Variants in MON2 observed in about 807,000 individuals in gnomAD.
MON2 encodes the protein MON2 regulator of endosome-to-Golgi trafficking, also known as protein MON2 homolog.
Under a neutral mutation model 208.6 loss-of-function variants are expected in MON2, and 84 were observed. That is an observed-to-expected ratio of 0.40 (90% CI 0.34 to 0.48). The LOEUF (loss-of-function observed/expected upper bound fraction) is 0.48, where lower values mean the gene tolerates loss of function less well. Among genes scored for constraint, MON2 ranks in the 20% least tolerant of loss-of-function variants. The pLI, the probability that MON2 is intolerant of heterozygous loss-of-function variation, is 0.59. For missense variants in MON2, 1,611 were observed against 2,015.4 expected, an observed-to-expected ratio of 0.80 and a Z score of 3.84; for synonymous variants, 660 against 694.0, an observed-to-expected ratio of 0.95 and a Z score of 0.77.
intron 32 of MON2, among the ~76,000 whole-genome samples, chr12:62,583,980 A>AC (rs1380639172): frequency 6.6e-6 from 1 of 151,220 alleles, no homozygotes; most frequent in African/African-American, 2.4e-5. Flanking sequence ...AAAAACAAAA[A>AC]AAAAAAACAG....
chr12:62,529,336 G>C (rs962431596), intron 11 of MON2, among the ~76,000 whole-genome samples: 1 of 152,102 alleles, frequency 6.6e-6, no homozygotes, highest in East Asian at 1.9e-4. Flanking sequence ...TAGGGTTTTT[G>C]TGAGGAGTTA....
At chr12:62,550,523 G>T (rs552062897) in intron 23 of MON2, among the ~76,000 whole-genome samples, 6 of 152,002 alleles carry the variant, frequency 3.9e-5, no homozygotes, top group African/African-American at 1.4e-4. Flanking sequence ...CCTTGTCTCT[G>T]TAAAAAAAAA....
intron 19 of MON2, among the ~76,000 whole-genome samples, chr12:62,539,272 CTTT>C (rs869061317): frequency 6.9e-6 from 1 of 144,056 alleles, no homozygotes; most frequent in South Asian, 2.2e-4. Flanking sequence ...TCTGCCTAGT[CTTT>C]TTTTTTTTTT....
intron 7 of MON2, among the ~76,000 whole-genome samples, 156 bp downstream of exon 7, chr12:62,501,854 G>A (rs924727001): frequency 6.6e-6 from 1 of 152,198 alleles, no homozygotes; most frequent in African/African-American, 2.4e-5. Context: ...GGGAGGCTGA[G>A]GTGGGAGGAT....
intron 8 of MON2, among the ~76,000 whole-genome samples, chr12:62,520,121 T>C (rs1268321315): frequency 6.6e-6 from 1 of 152,218 alleles, no homozygotes; most frequent in African/African-American, 2.4e-5. Flanking sequence ...GCCGACACTT[T>C]CTTACAGGTC....
chr12:62,529,007 C>T (rs985375228), intron 11 of MON2, among the ~76,000 whole-genome samples: 2 of 152,134 alleles, frequency 1.3e-5, no homozygotes, highest in African/African-American at 4.8e-5. Flanking sequence ...TTTCTCCTCC[C>T]ACCCTCCCGC....
chr12:62,504,304 G>A (rs1236254502), intron 7 of MON2, among the ~76,000 whole-genome samples: 1 of 143,600 alleles, frequency 7.0e-6, no homozygotes, highest in Non-Finnish European at 1.5e-5. Flanking sequence ...GAGTGCAGTC[G>A]CATGATCTCG....
At chr12:62,542,960 T>C (rs1156467456) in intron 19 of MON2, 137 bp from the exon 20 acceptor site, 12 of 456,910 alleles carry the variant, frequency 2.6e-5, no homozygotes, top group Non-Finnish European at 1.9e-5. Context: ...ACTGAGGTTT[T>C]GTTATAAATA....
At position 62,537,618 on chromosome 12, in the gene MON2, T is replaced by C. The variant is rs754111995; in HGVS notation, c.2030T>C (p.Ile677Thr). 1.9e-6 allele frequency: 3 copies of C among 1,605,830 alleles called. No homozygotes were observed. The highest frequency in any genetic ancestry group is 2.5e-6 in the Non-Finnish European group (3 of 1,177,252). Residue 677 changes from isoleucine (I) to threonine (T), a missense_variant, in exon 16 of 35, where the codon ATC becomes ACC. Coordinates refer to ENST00000393630, the MANE Select transcript of MON2 (RefSeq NM_015026.3). ...QGTVMLTSKN[I>T]QCMRTLLNLA... is the part of the protein sequence containing the mutation. ...AAAATATAGCTGACTTCCAAAAATATCCAGTGTATGAGGACTTTACTTAAC... is the reference window on the plus strand; with the variant it reads ...AAAATATAGCTGACTTCCAAAAATACCCAGTGTATGAGGACTTTACTTAAC...
At position 62,535,493 on chromosome 12, in the gene MON2, T is replaced by G. The variant is rs775332731; in HGVS notation, c.1716-32T>G. On this transcript the variant is annotated intron_variant, in intron 13 of 34. Coordinates refer to ENST00000393630, the MANE Select transcript of MON2 (RefSeq NM_015026.3). The stretch of plus-strand genomic sequence containing the variant: ...CTTTACAATGTAATTAAAAATAAGT[T>G]AATCAGATTAAATAAAATACTTTCT... The G allele has an allele frequency of 2.7e-6, 4 of 1,471,564 alleles. No homozygotes were observed. The Admixed American group carries it at 9.0e-5, about 33-fold the overall frequency. The allele number at this position is 1,471,564 out of a possible 1,614,324, so 91.2% of individuals were successfully genotyped here.
rs571102120 is a variant in MON2 at position 62,558,811 on chromosome 12, C to A, written c.3410-1680C>A. Among the ~76,000 whole-genome samples, 3 of 151,572 alleles carry A rather than the reference C, an allele frequency of 2.0e-5. No individual in the cohort carries two copies. In the East Asian group the frequency reaches 5.8e-4, roughly 30 times the overall value. On this transcript the variant is annotated intron_variant, in intron 25 of 34. Coordinates refer to ENST00000393630, the MANE Select transcript of MON2 (RefSeq NM_015026.3). The stretch of plus-strand genomic sequence containing the variant: ...CTCCTAGGTTCAAGCGATTCTCTTG[C>A]CTCGGCCTCTGAGTAGCTGGGATTA...
At chr12:62,566,273 A>G (rs2074383820) in intron 28 of MON2, 49 bp from the exon 29 acceptor site, 2 of 1,581,038 alleles carry the variant, frequency 1.3e-6, no homozygotes, top group East Asian at 4.5e-5. Flanking sequence ...AATATGATTA[A>G]TTTAATCTCA....
At chr12:62,592,137 T>C (rs1458200096) in intron 34 of MON2, among the ~76,000 whole-genome samples, 1 of 152,206 alleles carries the variant, frequency 6.6e-6, no homozygotes, top group African/African-American at 2.4e-5. Context: ...TTAAAAGGAA[T>C]ATCAAGGATA....
chr12:62,551,420 G>A (rs2073737587), intron 23 of MON2, among the ~76,000 whole-genome samples: 1 of 152,118 alleles, frequency 6.6e-6, no homozygotes. Flanking sequence ...CTCACATTAA[G>A]TTTGCCATCT....
At position 62,598,917 on chromosome 12, in the gene MON2, G is replaced by A. The variant is rs563526329; in HGVS notation, c.*6168G>A. 2.0e-5 allele frequency: 3 copies of A among 152,220 alleles called. No homozygotes were observed. Among genetic ancestry groups the A allele is most frequent in the Admixed American group, 6.5e-5 (1 of 15,286 alleles). 9.4% of individuals were successfully genotyped at this position (152,220 alleles called of 1,614,324 possible). On this transcript the variant is annotated 3_prime_UTR_variant, in exon 35 of 35. Coordinates refer to ENST00000393630, the MANE Select transcript of MON2 (RefSeq NM_015026.3). Reference sequence around the variant, plus strand: ...TTAATTATGTTCCAGCAACACTAGTGTTTCTTTATAACTTAAAATCATAAC... The same window carrying A: ...TTAATTATGTTCCAGCAACACTAGTATTTCTTTATAACTTAAAATCATAAC...
chr12:62,493,873 G>A (rs947717003), intron 2 of MON2, 42 bp from the exon 3 acceptor site: 1 of 1,339,906 alleles, frequency 7.5e-7, no homozygotes. Context: ...CTTAATTATA[G>A]ATTAATTTTA....
chr12:62,551,136 T>G (rs1000458965), intron 23 of MON2, among the ~76,000 whole-genome samples: 6 of 152,108 alleles, frequency 3.9e-5, no homozygotes, highest in Non-Finnish European at 7.4e-5. Flanking sequence ...TTCAAGAACT[T>G]ATCCTGTGCA....
rs1199697141 is a variant in MON2, at chr12:62,599,186, GAA to G, written c.*6442_*6443del. The G allele has an allele frequency of 1.3e-5, 2 of 152,036 alleles. No individual in the cohort carries two copies. The highest frequency in any genetic ancestry group is 4.8e-5 in the African/African-American group (2 of 41,410). The allele number at this position is 152,036 out of a possible 1,614,324, so 9.4% of individuals were successfully genotyped here. A position where few individuals can be genotyped will look rare whatever the true frequency, so the allele number is the denominator to read the frequency against. ...TATTAAAACCATTAATATATAAAAT[GAA>G]AAAATAATAAACAGAAGACACGAAG... is the stretch of plus-strand genomic sequence containing the variant. On this transcript the variant is annotated 3_prime_UTR_variant, in exon 35 of 35. Coordinates refer to ENST00000393630, the MANE Select transcript of MON2 (RefSeq NM_015026.3).
At position 62,546,983 on chromosome 12, in the gene MON2, G is replaced by A. The variant is rs146636697; in HGVS notation, c.2664G>A (p.Val888=). 7 of 1,613,142 alleles carry A rather than the reference G, an allele frequency of 4.3e-6. No individual in the cohort carries two copies. The highest frequency in any genetic ancestry group is 1.3e-5 in the African/African-American group (1 of 74,878). The change falls in exon 22 of 35, where the codon GTG becomes GTA. Residue 888 remains valine, a synonymous_variant. Coordinates refer to ENST00000393630, the MANE Select transcript of MON2 (RefSeq NM_015026.3). ...PDIRLKQLEC[V]LQILQSQGDS... ...TTCGACTCAAGCAGTTAGAATGCGTGTTGCAGATTCTGCAGAGTCAGGGAG... is the reference window on the plus strand; with the variant it reads ...TTCGACTCAAGCAGTTAGAATGCGTATTGCAGATTCTGCAGAGTCAGGGAG...
Sources: allele counts gnomAD v4.1 joint callset (sites outside exome capture counted in the v4.1 genomes callset), GRCh38; gene constraint gnomAD v4.1.1; transcripts MANE v1.5; gene names NCBI Gene and HGNC (gene_info 2026-07-23, HGNC 2026-07-21).